The following DSCAML1 variants were observed in gnomAD, a reference collection of about 807,000 sequenced individuals.
The protein encoded by DSCAML1 is cell adhesion molecule DSCAML1.
Under a neutral mutation model 200.5 loss-of-function variants are expected in DSCAML1, and 38 were observed. The ratio of observed to expected loss-of-function variants is 0.19; its 90% CI spans 0.15 to 0.25. The LOEUF (loss-of-function observed/expected upper bound fraction) is 0.25. Ranked by LOEUF, DSCAML1 falls within the 10% of genes least tolerant of loss-of-function variation. DSCAML1 has a pLI of 1.00. For missense variants in DSCAML1, 2,223 were observed against 2,858.8 expected, an observed-to-expected ratio of 0.78 and a Z score of 5.07; for synonymous variants, 1,215 against 1,165.0, an observed-to-expected ratio of 1.04 and a Z score of -0.87.
chr11:117,816,359 G>A (rs535476823), intron 1 of DSCAML1, among the ~76,000 whole-genome samples: 1 of 152,340 alleles, frequency 6.6e-6, no homozygotes, highest in African/African-American at 2.4e-5. Context: ...CCAGTGACTC[G>A]CTCTGACAAC....
At chr11:117,623,697 A>G (rs116721596) in intron 3 of DSCAML1, among the ~76,000 whole-genome samples, 8 of 152,338 alleles carry the variant, frequency 5.3e-5, no homozygotes, top group African/African-American at 1.9e-4. Context: ...TATGGTTATA[A>G]AGATTAAATT....
intron 4 of DSCAML1, among the ~76,000 whole-genome samples, chr11:117,525,461 C>CTT (rs979956454): frequency 1.4e-5 from 2 of 144,190 alleles, no homozygotes; most frequent in Non-Finnish European, 3.1e-5. Context: ...TCCCTGGCTT[C>CTT]TTTTTTTTTT....
intron 3 of DSCAML1, among the ~76,000 whole-genome samples, chr11:117,586,863 C>G (rs1439274424): frequency 6.6e-6 from 1 of 152,198 alleles, no homozygotes; most frequent in African/African-American, 2.4e-5. Flanking sequence ...TGTTAGTTTT[C>G]AAAGACTAAG....
chr11:117,696,592 G>A (rs2053589819), intron 3 of DSCAML1, among the ~76,000 whole-genome samples: 2 of 152,142 alleles, frequency 1.3e-5, no homozygotes, highest in Admixed American at 6.5e-5. Flanking sequence ...CAGGGTGGGT[G>A]TAGATCCCAG....
At chr11:117,434,291 C>A (rs2047862534) in intron 27 of DSCAML1, among the ~76,000 whole-genome samples, 1 of 152,120 alleles carries the variant, frequency 6.6e-6, no homozygotes, top group African/African-American at 2.4e-5. Flanking sequence ...TCCACCTATT[C>A]AACCATCCAT....
intron 14 of DSCAML1, among the ~76,000 whole-genome samples, chr11:117,475,468 C>G (rs1016447644): frequency 2.0e-5 from 3 of 152,192 alleles, no homozygotes; most frequent in Non-Finnish European, 2.9e-5. Flanking sequence ...TGAACTCTTC[C>G]AGCATTTAGA....
chr11:117,638,832 C>T (rs2052342516), intron 3 of DSCAML1, among the ~76,000 whole-genome samples: 1 of 152,208 alleles, frequency 6.6e-6, no homozygotes, highest in South Asian at 2.1e-4. Flanking sequence ...AATAATGCTG[C>T]TGTGAACATC....
chr11:117,665,637 C>T (rs2052960082), intron 3 of DSCAML1, among the ~76,000 whole-genome samples: 1 of 152,152 alleles, frequency 6.6e-6, no homozygotes, highest in East Asian at 1.9e-4. Context: ...CCCTATTTTA[C>T]AGATGAGGAG....
At chr11:117,816,204 C>T (rs1396081706) in intron 1 of DSCAML1, among the ~76,000 whole-genome samples, 1 of 152,174 alleles carries the variant, frequency 6.6e-6, no homozygotes, top group Non-Finnish European at 1.5e-5. Flanking sequence ...GAGTCTGGGC[C>T]CAGGCTTTCT....
intron 1 of DSCAML1, among the ~76,000 whole-genome samples, chr11:117,807,499 A>G (rs577959041): frequency 6.6e-6 from 1 of 152,304 alleles, no homozygotes; most frequent in Admixed American, 6.5e-5. Context: ...TCAGAGATTC[A>G]CCGCACTTCT....
chr11:117,487,270 G>A (rs1207171979), intron 11 of DSCAML1, among the ~76,000 whole-genome samples: 1 of 151,922 alleles, frequency 6.6e-6, no homozygotes, highest in Non-Finnish European at 1.5e-5. Flanking sequence ...TTAGATGTAT[G>A]GAGTTAAATA....
intron 3 of DSCAML1, among the ~76,000 whole-genome samples, chr11:117,680,116 T>C (rs1346171048): frequency 6.6e-6 from 1 of 152,188 alleles, no homozygotes. Context: ...AGCCCGACCA[T>C]GAGATCTCTA....
chr11:117,433,458 C>T lies in DSCAML1; in HGVS notation c.4890G>A (p.Leu1630=), dbSNP rs35399839. The T allele has an allele frequency of 2.0e-3, 3,300 of 1,613,064 alleles. 4 individuals are homozygous for T. The highest frequency in any genetic ancestry group is 2.6e-3 in the Non-Finnish European group (3,083 of 1,179,814). ...ATACCCACCTTATCAACATTTCTGC[C>T]AAACTCTTTGCATCTGCAAAACAGT... ...RLKRLRDAKS[L]AEMLISKNNR... Residue 1630 remains leucine, a synonymous_variant, in exon 28 of 33, where the codon TTG becomes TTA. Coordinates refer to ENST00000651296, the MANE Select transcript of DSCAML1 (RefSeq NM_020693.4).
At chr11:117,812,080 G>A (rs1386203545) in intron 1 of DSCAML1, among the ~76,000 whole-genome samples, 1 of 152,034 alleles carries the variant, frequency 6.6e-6, no homozygotes, top group Non-Finnish European at 1.5e-5. Flanking sequence ...GACTATTCCT[G>A]GATTACAGCT....
chr11:117,754,399 A>G (rs568713061), intron 3 of DSCAML1, among the ~76,000 whole-genome samples: 2 of 152,278 alleles, frequency 1.3e-5, no homozygotes, highest in East Asian at 3.9e-4. Context: ...TCCTTGAGAG[A>G]GGAAGCTTCT....
chr11:117,675,780 C>T (rs2053200759), intron 3 of DSCAML1, among the ~76,000 whole-genome samples: 1 of 152,128 alleles, frequency 6.6e-6, no homozygotes, highest in East Asian at 1.9e-4. Flanking sequence ...GACACCTGCT[C>T]TCATCCCTCA....
chr11:117,542,327 CACAAA>C (rs773933953), intron 3 of DSCAML1, among the ~76,000 whole-genome samples: 90 of 129,882 alleles, frequency 6.9e-4, no homozygotes, highest in African/African-American at 2.4e-3. Flanking sequence ...CAAAACAAAA[CACAAA>C]AACAACAACA....
chr11:117,686,845 C>A (rs984663323), intron 3 of DSCAML1, among the ~76,000 whole-genome samples: 1 of 152,106 alleles, frequency 6.6e-6, no homozygotes, highest in South Asian at 2.1e-4. Flanking sequence ...CTGATGATGA[C>A]GATGATGATG....
intron 3 of DSCAML1, among the ~76,000 whole-genome samples, chr11:117,706,780 A>G (rs2053765554): frequency 6.6e-6 from 1 of 152,218 alleles, no homozygotes; most frequent in South Asian, 2.1e-4. Flanking sequence ...CCTTTCTTTT[A>G]AAGTGCAGAC....
Sources: allele counts gnomAD v4.1 joint callset (sites outside exome capture counted in the v4.1 genomes callset), GRCh38; gene constraint gnomAD v4.1.1; transcripts MANE v1.5; gene names NCBI Gene and HGNC (gene_info 2026-07-23, HGNC 2026-07-21).